The following DYM variants were observed in gnomAD, a reference collection of about 807,000 sequenced individuals.
DYM encodes dyggve-Melchior-Clausen syndrome protein.
A neutral mutation model predicts 93.1 loss-of-function variants in DYM; 78 were observed. The observed-to-expected ratio is 0.84, with a 90% CI of 0.70 to 1.01. The LOEUF is 1.01. Ranked by LOEUF, DYM falls within the 50% of genes least tolerant of loss-of-function variation. DYM has a pLI of 0.00. For missense variants in DYM, 789 were observed against 845.0 expected, an observed-to-expected ratio of 0.93 and a Z score of 0.82; for synonymous variants, 321 against 319.7, an observed-to-expected ratio of 1.00 and a Z score of -0.04.
At chr18:49,441,343 A>C (rs1157342534) in intron 1 of DYM, among the ~76,000 whole-genome samples, 8 of 80,228 alleles carry the variant, frequency 1.0e-4, no homozygotes, top group African/African-American at 3.4e-4. Context: ...AATTATATAT[A>C]ATTAATATAT....
intron 8 of DYM, among the ~76,000 whole-genome samples, chr18:49,292,351 GACAGAC>G (rs1403811559): frequency 0.03 from 3,179 of 106,390 alleles, 41 homozygotes; most frequent in Non-Finnish European, 0.035. Context: ...CAGACAGACA[GACAGAC>G]ACACACACAC....
At chr18:49,292,651 A>G (rs888723055) in intron 8 of DYM, among the ~76,000 whole-genome samples, 8 of 150,918 alleles carry the variant, frequency 5.3e-5, no homozygotes, top group Non-Finnish European at 8.8e-5. Context: ...GTCCACCAGA[A>G]AAATAAGGAA....
At chr18:49,440,005 G>T (rs1044887331) in intron 1 of DYM, among the ~76,000 whole-genome samples, 1 of 138,530 alleles carries the variant, frequency 7.2e-6, no homozygotes, top group Non-Finnish European at 1.5e-5. Flanking sequence ...GGGAGACTCT[G>T]TCACCAATAA....
At chr18:49,325,743 C>T (rs1376163335) in intron 8 of DYM, among the ~76,000 whole-genome samples, 4 of 152,074 alleles carry the variant, frequency 2.6e-5, no homozygotes, top group Admixed American at 6.6e-5. Flanking sequence ...TTTTTTTAAA[C>T]GTAGAGTCCA....
intron 10 of DYM, among the ~76,000 whole-genome samples, chr18:49,276,997 G>T (rs1599065601): frequency 6.6e-6 from 1 of 152,156 alleles, no homozygotes; most frequent in African/African-American, 2.4e-5. Context: ...TATTTGGTTG[G>T]ATATGGGGGA....
At chr18:49,400,550 G>A (rs1198836705) in intron 2 of DYM, among the ~76,000 whole-genome samples, 2 of 152,114 alleles carry the variant, frequency 1.3e-5, no homozygotes, top group Non-Finnish European at 2.9e-5. Context: ...CAGTGGCTCA[G>A]CCAGAAAAAA....
chr18:49,430,866 A>G (rs1178419792), intron 1 of DYM, among the ~76,000 whole-genome samples: 1 of 141,860 alleles, frequency 7.0e-6, no homozygotes, highest in African/African-American at 2.7e-5. Context: ...GCCTGGCGAC[A>G]GAGCAAGACT....
chr18:49,231,109 A>T (rs952037288), intron 13 of DYM, among the ~76,000 whole-genome samples: 4 of 152,180 alleles, frequency 2.6e-5, no homozygotes, highest in African/African-American at 9.7e-5. Context: ...AGTTCAAAGA[A>T]CCTTAAGATC....
chr18:49,430,863 G>A (rs992726025), intron 1 of DYM, among the ~76,000 whole-genome samples: 10 of 140,934 alleles, frequency 7.1e-5, no homozygotes, highest in South Asian at 2.4e-4. Flanking sequence ...CCAGCCTGGC[G>A]ACAGAGCAAG....
At chr18:49,449,453 T>A (rs1385931065) in intron 1 of DYM, among the ~76,000 whole-genome samples, 1 of 152,136 alleles carries the variant, frequency 6.6e-6, no homozygotes, top group Non-Finnish European at 1.5e-5. Flanking sequence ...CCCCAGACTT[T>A]TCTATGGTGT....
intron 13 of DYM, among the ~76,000 whole-genome samples, chr18:49,246,780 AG>A (rs1304717583): frequency 6.6e-6 from 1 of 152,226 alleles, no homozygotes; most frequent in Non-Finnish European, 1.5e-5. Flanking sequence ...AAGAGGAATG[AG>A]GCCATTCCAT....
chr18:49,391,681 A>G (rs2069271616), intron 2 of DYM, 36 bp from the exon 3 acceptor site: 2 of 1,518,900 alleles, frequency 1.3e-6, no homozygotes, highest in South Asian at 2.2e-5. Flanking sequence ...ATTAATGACT[A>G]TAATACTAAA....
chr18:49,434,080 T>G (rs1356840834), intron 1 of DYM, among the ~76,000 whole-genome samples: 1 of 151,884 alleles, frequency 6.6e-6, no homozygotes, highest in African/African-American at 2.4e-5. Flanking sequence ...GCGCGGTGGC[T>G]CACGCCTATA....
chr18:49,428,494 G>C (rs1028122278), intron 2 of DYM, among the ~76,000 whole-genome samples: 9 of 152,108 alleles, frequency 5.9e-5, no homozygotes, highest in Non-Finnish European at 2.9e-5. Flanking sequence ...AGACCAGCCT[G>C]GCCAACATGG....
intron 5 of DYM, among the ~76,000 whole-genome samples, chr18:49,371,213 A>G (rs951098808): frequency 1.3e-4 from 20 of 152,182 alleles, no homozygotes; most frequent in Non-Finnish European, 2.4e-4. Context: ...AATAAGATCA[A>G]ACAAGGCTAA....
At chr18:49,395,417 G>A (rs777627374) in intron 2 of DYM, among the ~76,000 whole-genome samples, 8 of 152,022 alleles carry the variant, frequency 5.3e-5, no homozygotes, top group African/African-American at 9.7e-5. Flanking sequence ...ATCACCTGAC[G>A]TTGGGAGTTC....
At chr18:49,421,366 T>C (rs1049814264) in intron 2 of DYM, among the ~76,000 whole-genome samples, 5 of 152,198 alleles carry the variant, frequency 3.3e-5, no homozygotes, top group African/African-American at 4.8e-5. Flanking sequence ...CAGCCTCCAC[T>C]GGTGATACCC....
intron 11 of DYM, among the ~76,000 whole-genome samples, chr18:49,267,714 T>C (rs2094594270): frequency 6.6e-6 from 1 of 152,124 alleles, no homozygotes; most frequent in Non-Finnish European, 1.5e-5. Flanking sequence ...GCCAACATGG[T>C]GAAACATTCC....
At chr18:49,458,336 A>C (rs1012904606) in intron 1 of DYM, among the ~76,000 whole-genome samples, 6 of 152,098 alleles carry the variant, frequency 3.9e-5, no homozygotes, top group Admixed American at 3.9e-4. Context: ...ATATTAATAA[A>C]AAAAAAAGGA....
Sources: gnomAD v4.1 joint callset for allele counts (sites outside exome capture counted in the v4.1 genomes callset) on GRCh38, gnomAD v4.1.1 for gene constraint, MANE v1.5 for transcripts, NCBI Gene and HGNC (gene_info 2026-07-23, HGNC 2026-07-21) for gene names.